Variants in MYO18B observed in about 807,000 individuals in gnomAD.
The protein encoded by MYO18B is unconventional myosin-XVIIIb.
In MYO18B, 204 loss-of-function variants were observed where a neutral mutation model predicts 273.0. The ratio of observed to expected loss-of-function variants is 0.75; its 90% CI spans 0.67 to 0.84. The LOEUF (loss-of-function observed/expected upper bound fraction) is 0.84. Ranked by LOEUF, MYO18B falls within the 40% of genes least tolerant of loss-of-function variation. The probability of loss-of-function intolerance (pLI) is 0.00; values close to 1 mark genes in which losing one functional copy is unlikely to be tolerated. For synonymous variants in MYO18B, 1,330 were observed against 1,305.7 expected (o/e 1.02, Z -0.40); for missense variants, 3,212 against 3,287.6 (o/e 0.98, Z 0.56).
intron 18 of MYO18B, among the ~76,000 whole-genome samples, chr22:25,844,407 G>T (rs898853659): frequency 6.6e-6 from 1 of 152,116 alleles, no homozygotes; most frequent in African/African-American, 2.4e-5. Context: ...TTCAATGCTG[G>T]AATTCCTCAG....
chr22:25,774,659 C>A (rs948165194), intron 7 of MYO18B, among the ~76,000 whole-genome samples: 5 of 152,212 alleles, frequency 3.3e-5, no homozygotes, highest in Non-Finnish European at 4.4e-5. Context: ...TGTCCTTAGG[C>A]CGGATCAACC....
At chr22:25,893,119 A>AGG (rs1290830550) in intron 27 of MYO18B, among the ~76,000 whole-genome samples, 6 of 152,274 alleles carry the variant, frequency 3.9e-5, no homozygotes, top group Non-Finnish European at 7.3e-5. Flanking sequence ...TCTAAAATAT[A>AGG]GGAAATTTGA....
chr22:25,890,918 TA>T, intron 26 of MYO18B, 43 bp downstream of exon 26: 1 of 1,599,616 alleles, frequency 6.3e-7, no homozygotes. Context: ...ACACGGTGGC[TA>T]AAAATGGTTG....
chr22:25,926,645 C>G (rs1413749236), intron 34 of MYO18B, among the ~76,000 whole-genome samples: 2 of 152,184 alleles, frequency 1.3e-5, no homozygotes, highest in African/African-American at 2.4e-5. Context: ...TTCGAATGCA[C>G]ATGTTAGAAC....
At chr22:26,020,188 T>A (rs1935695903) in intron 42 of MYO18B, among the ~76,000 whole-genome samples, 1 of 152,154 alleles carries the variant, frequency 6.6e-6, no homozygotes. Flanking sequence ...CGGTGATGCT[T>A]CTTAGCTTGA....
chr22:25,972,517 C>A (rs983956483), intron 39 of MYO18B, among the ~76,000 whole-genome samples: 3 of 152,214 alleles, frequency 2.0e-5, no homozygotes, highest in Admixed American at 2.0e-4. Flanking sequence ...GAGTCTCAGG[C>A]TCAGCCCCAC....
chr22:25,939,222 T>C (rs957918209), intron 34 of MYO18B, among the ~76,000 whole-genome samples: 3 of 152,248 alleles, frequency 2.0e-5, no homozygotes, highest in Non-Finnish European at 1.5e-5. Context: ...CCAGTTCAAA[T>C]TGGCTTGCAT....
chr22:25,772,224 T>C (rs955335598), intron 6 of MYO18B, 110 bp from the exon 7 acceptor site: 3 of 974,010 alleles, frequency 3.1e-6, no homozygotes, highest in African/African-American at 3.7e-5. Context: ...CTTTGGCACA[T>C]AGCTCTCAAG....
chr22:25,930,070 A>G (rs2092476442), intron 34 of MYO18B, among the ~76,000 whole-genome samples: 1 of 152,010 alleles, frequency 6.6e-6, no homozygotes. Flanking sequence ...TCACCTCTTC[A>G]CCTTTGCCCA....
At chr22:25,999,330 T>C (rs1451162863) in intron 40 of MYO18B, among the ~76,000 whole-genome samples, 4 of 152,180 alleles carry the variant, frequency 2.6e-5, no homozygotes, top group Non-Finnish European at 2.9e-5. Context: ...AGAACTTGTA[T>C]CTGTCACTGT....
chr22:26,007,464 CCA>C (rs1934524335), intron 42 of MYO18B, among the ~76,000 whole-genome samples: 7 of 152,164 alleles, frequency 4.6e-5, no homozygotes, highest in African/African-American at 1.7e-4. Context: ...AGGAGGTAGA[CCA>C]CTCACCTGGT....
At chr22:25,922,815 G>A (rs1468477139) in intron 34 of MYO18B, among the ~76,000 whole-genome samples, 1 of 152,210 alleles carries the variant, frequency 6.6e-6, no homozygotes, top group Non-Finnish European at 1.5e-5. Flanking sequence ...GCTGCTTCCA[G>A]TCTCTGGTGT....
chr22:25,886,839 C>G (rs570970527), intron 25 of MYO18B, among the ~76,000 whole-genome samples: 1 of 152,220 alleles, frequency 6.6e-6, no homozygotes, highest in South Asian at 2.1e-4. Context: ...CAGCTATGAT[C>G]CTAAGCAAAT....
chr22:25,753,744 G>T (rs927814085), intron 1 of MYO18B, among the ~76,000 whole-genome samples: 1 of 152,170 alleles, frequency 6.6e-6, no homozygotes, highest in Admixed American at 6.5e-5. Context: ...GCGAAGGCCT[G>T]CAGCTTTACT....
At chr22:25,849,607 G>A (rs2090363486) in intron 20 of MYO18B, among the ~76,000 whole-genome samples, 1 of 152,168 alleles carries the variant, frequency 6.6e-6, no homozygotes, top group South Asian at 2.1e-4. Context: ...AAGGTATGTA[G>A]TAAACATTCA....
At chr22:25,772,547 G>C in intron 7 of MYO18B, 37 bp downstream of exon 7, 1 of 1,589,694 alleles carries the variant, frequency 6.3e-7, no homozygotes, top group Non-Finnish European at 8.6e-7. Context: ...CTGAGGGGCT[G>C]AGGGCAGGGG....
chr22:25,845,315 G>A (rs771977133), intron 18 of MYO18B, among the ~76,000 whole-genome samples: 1 of 152,176 alleles, frequency 6.6e-6, no homozygotes, highest in Non-Finnish European at 1.5e-5. Context: ...TCAAGAGATC[G>A]AGACCATCCT....
At chr22:25,926,166 C>G (rs191482470) in intron 34 of MYO18B, among the ~76,000 whole-genome samples, 1 of 151,766 alleles carries the variant, frequency 6.6e-6, no homozygotes, top group East Asian at 1.9e-4. Flanking sequence ...GATTGTGCCA[C>G]TGCACTCCAG....
At chr22:25,781,968 T>C in intron 10 of MYO18B, 134 bp downstream of exon 10, 1 of 584,360 alleles carries the variant, frequency 1.7e-6, no homozygotes, top group East Asian at 3.3e-5. Flanking sequence ...TGGCGTCCGA[T>C]TCCAGCTGTC....
Sources: allele counts gnomAD v4.1 joint callset (sites outside exome capture counted in the v4.1 genomes callset), GRCh38; gene constraint gnomAD v4.1.1; transcripts MANE v1.5; gene names NCBI Gene and HGNC (gene_info 2026-07-23, HGNC 2026-07-21).